CSMD1: variants seen among roughly 807,000 people sequenced by gnomAD.
CSMD1 encodes the protein CUB and Sushi multiple domains 1.
A neutral mutation model predicts 417.5 loss-of-function variants in CSMD1; 213 were observed. The ratio of observed to expected loss-of-function variants is 0.51; its 90% CI spans 0.46 to 0.57. CSMD1 has a LOEUF of 0.57. Ranked by LOEUF, CSMD1 falls within the 20% of genes least tolerant of loss-of-function variation. The pLI is 0.00. For synonymous variants in CSMD1, 2,862 were observed against 1,736.8 expected (o/e 1.65, Z -16.11); for missense variants, 6,923 against 4,529.7 (o/e 1.53, Z -15.17).
intron 5 of CSMD1, among the ~76,000 whole-genome samples, chr8:3,815,902 G>A (rs777537826): frequency 6.6e-6 from 1 of 152,154 alleles, no homozygotes; most frequent in East Asian, 1.9e-4. Flanking sequence ...ATCATCAAGA[G>A]TAAATAGAAA....
At chr8:4,637,292 T>A (rs777555914) in intron 2 of CSMD1, 50 bp downstream of exon 2, 5 of 1,394,144 alleles carry the variant, frequency 3.6e-6, no homozygotes, top group Middle Eastern at 1.9e-4. Context: ...GATTTCATAA[T>A]CTGTGTATTC....
At chr8:4,081,194 T>C (rs1039471884) in intron 3 of CSMD1, among the ~76,000 whole-genome samples, 3 of 152,178 alleles carry the variant, frequency 2.0e-5, no homozygotes, top group Non-Finnish European at 4.4e-5. Context: ...ATTTATAAAT[T>C]ATCCAGTCTG....
At chr8:3,776,807 G>GATAGATATATATATATATATATATAT (rs1554432749) in intron 5 of CSMD1, among the ~76,000 whole-genome samples, 2 of 139,938 alleles carry the variant, frequency 1.4e-5, no homozygotes, top group African/African-American at 5.7e-5. Flanking sequence ...ATATAGACGA[G>GATAGATATATATATATATATATATAT]ATATATATAT....
At chr8:4,767,346 G>T (rs1279674688) in intron 1 of CSMD1, among the ~76,000 whole-genome samples, 1 of 152,178 alleles carries the variant, frequency 6.6e-6, no homozygotes, top group Non-Finnish European at 1.5e-5. Flanking sequence ...AGAGACTTGT[G>T]AAGAAAATCA....
At chr8:3,090,089 C>T (rs933453182) in intron 48 of CSMD1, among the ~76,000 whole-genome samples, 12 of 151,566 alleles carry the variant, frequency 7.9e-5, no homozygotes, top group Admixed American at 3.9e-4. Context: ...CCGAGGCGGC[C>T]GGATCACAAG....
chr8:3,484,364 C>G (rs886865080), intron 11 of CSMD1, among the ~76,000 whole-genome samples: 3 of 152,198 alleles, frequency 2.0e-5, no homozygotes, highest in Admixed American at 1.3e-4. Flanking sequence ...TGCTACTGAA[C>G]AGTTGGATAC....
intron 26 of CSMD1, among the ~76,000 whole-genome samples, chr8:3,281,432 A>T (rs1214449817): frequency 6.6e-6 from 1 of 152,206 alleles, no homozygotes; most frequent in Admixed American, 6.5e-5. Context: ...CGACAAAGCA[A>T]GACTCCATCT....
chr8:4,096,652 T>A (rs540711211), intron 3 of CSMD1, among the ~76,000 whole-genome samples: 1 of 152,248 alleles, frequency 6.6e-6, no homozygotes, highest in Admixed American at 6.5e-5. Context: ...TACTAAGATA[T>A]TTAGATAAGA....
chr8:4,714,425 C>A (rs1190004367), intron 1 of CSMD1, among the ~76,000 whole-genome samples: 1 of 152,028 alleles, frequency 6.6e-6, no homozygotes, highest in East Asian at 1.9e-4. Flanking sequence ...AAAATCTCCC[C>A]AAAAAGGAAA....
chr8:3,367,140 C>A lies in CSMD1; in HGVS notation c.3007G>T (p.Val1003Leu), dbSNP rs765624710. The stretch of plus-strand genomic sequence containing the variant: ...CCTGCCTTGATCGTATGAGGCAACA[C>A]CGACCCGGTGAGCCTGGCAACGGGC... ...SEPVARLTGS[V>L]LPHTIKAGLF... The change falls in exon 20 of 70, where the codon GTG becomes TTG. Residue 1003 changes from valine (V) to leucine (L), a missense_variant. Val to Leu is a conservative substitution (Grantham distance 32). Transcript: ENST00000635120. 2 of 1,613,646 alleles carry A rather than the reference C, an allele frequency of 1.2e-6. No homozygotes were observed. The highest frequency in any genetic ancestry group is 2.2e-5 in the East Asian group (1 of 44,852).
intron 1 of CSMD1, among the ~76,000 whole-genome samples, chr8:4,690,681 G>T (rs1437438199): frequency 6.6e-6 from 1 of 152,138 alleles, no homozygotes; most frequent in Non-Finnish European, 1.5e-5. Flanking sequence ...AGGATTTTAT[G>T]AATTGAATCA....
chr8:4,133,505 A>G (rs190633812), intron 3 of CSMD1, among the ~76,000 whole-genome samples: 288 of 152,296 alleles, frequency 1.9e-3, no homozygotes, highest in African/African-American at 6.1e-3. Flanking sequence ...CTGCCCTGCA[A>G]TTATTCCTCA....
chr8:4,042,836 A>G (rs1439310569), intron 3 of CSMD1, among the ~76,000 whole-genome samples: 1 of 145,368 alleles, frequency 6.9e-6, no homozygotes, highest in Admixed American at 6.8e-5. Flanking sequence ...AAAAAAAAAA[A>G]AAAAAAGCAG....
intron 5 of CSMD1, among the ~76,000 whole-genome samples, chr8:3,973,339 G>C (rs182445348): frequency 4.7e-4 from 71 of 152,276 alleles, no homozygotes; most frequent in African/African-American, 1.4e-3. Context: ...TCTGCTTGGT[G>C]CTAGATAGAA....
At chr8:4,654,323 T>C (rs550390363) in intron 1 of CSMD1, among the ~76,000 whole-genome samples, 65 of 152,236 alleles carry the variant, frequency 4.3e-4, no homozygotes, top group Non-Finnish European at 3.5e-4. Context: ...AGGGATGTAT[T>C]GCTTTCTATG....
At chr8:4,922,263 G>T (rs1393847497) in intron 1 of CSMD1, among the ~76,000 whole-genome samples, 2 of 152,128 alleles carry the variant, frequency 1.3e-5, no homozygotes, top group Non-Finnish European at 2.9e-5. Context: ...TACGTACACT[G>T]AATGTGTTGT....
At chr8:4,025,126 G>C (rs1288893412) in intron 4 of CSMD1, among the ~76,000 whole-genome samples, 3 of 152,228 alleles carry the variant, frequency 2.0e-5, no homozygotes, top group African/African-American at 7.2e-5. Context: ...GGCTGCAAGA[G>C]ATGTTGAGAC....
At chr8:4,483,613 G>A (rs935868024) in intron 2 of CSMD1, among the ~76,000 whole-genome samples, 2 of 152,164 alleles carry the variant, frequency 1.3e-5, no homozygotes, top group African/African-American at 2.4e-5. Flanking sequence ...CATAGGTGCA[G>A]CTAAGACTAA....
At chr8:3,491,597 A>G (rs1818385069) in intron 11 of CSMD1, among the ~76,000 whole-genome samples, 1 of 152,174 alleles carries the variant, frequency 6.6e-6, no homozygotes, top group African/African-American at 2.4e-5. Flanking sequence ...AATGTCCAAG[A>G]TTCGACGAAT....
Sources: allele counts gnomAD v4.1 joint callset (sites outside exome capture counted in the v4.1 genomes callset), GRCh38; gene constraint gnomAD v4.1.1; transcripts MANE v1.5; gene names NCBI Gene and HGNC (gene_info 2026-07-23, HGNC 2026-07-21).